The following PCDHA6 variants were observed in gnomAD, a reference collection of about 807,000 sequenced individuals.
The protein encoded by PCDHA6 is protocadherin alpha-6.
In PCDHA6, 55 loss-of-function variants were observed where a neutral mutation model predicts 60.3. The ratio of observed to expected loss-of-function variants is 0.91; its 90% CI spans 0.73 to 1.14. PCDHA6 has a LOEUF of 1.14. Among genes scored for constraint, PCDHA6 ranks in the 50% most tolerant of loss-of-function variants. The pLI is 0.00. For missense variants in PCDHA6, 1,327 were observed against 1,256.5 expected (o/e 1.06, Z -0.85); for synonymous variants, 652 against 557.9 (o/e 1.17, Z -2.38).
At chr5:140,999,419 G>A (rs2097856786) in intron 3 of PCDHA6, among the ~76,000 whole-genome samples, 1 of 152,182 alleles carries the variant, frequency 6.6e-6, no homozygotes, top group Non-Finnish European at 1.5e-5. Flanking sequence ...TGGGAGCTAA[G>A]AGGCCAAGTA....
At chr5:140,906,891 T>C (rs2073026399) in intron 1 of PCDHA6, among the ~76,000 whole-genome samples, 1 of 152,152 alleles carries the variant, frequency 6.6e-6, no homozygotes, top group South Asian at 2.1e-4. Context: ...CCTTCTTAGA[T>C]TGTTGGTTTA....
chr5:140,939,551 G>A (rs2092410878), intron 1 of PCDHA6, among the ~76,000 whole-genome samples: 1 of 151,156 alleles, frequency 6.6e-6, no homozygotes, highest in African/African-American at 2.5e-5. Flanking sequence ...ATTTCTTGTT[G>A]TATTAGTTTG....
chr5:140,930,859 G>GAT lies in PCDHA6; in HGVS notation c.2395-48089_2395-48088dup, dbSNP rs1554208143. On this transcript the variant is annotated intron_variant, in intron 1 of 3. Transcript: ENST00000529310. ...AATAAATATGTGCATATATGAATTG[G>GAT]ATGGTAACACTGTTCAACACAGAGG... Among the ~76,000 whole-genome samples, 803 of 152,288 alleles carry GAT rather than the reference G, an allele frequency of 5.3e-3. 3 individuals are homozygous for GAT. Among genetic ancestry groups the GAT allele is most frequent in the Non-Finnish European group, 8.4e-3 (568 of 68,020 alleles).
At chr5:140,939,789 A>T (rs1259994967) in intron 1 of PCDHA6, among the ~76,000 whole-genome samples, 1 of 152,246 alleles carries the variant, frequency 6.6e-6, no homozygotes, top group African/African-American at 2.4e-5. Flanking sequence ...GTCAATTTCT[A>T]TAAATGTTCT....
intron 1 of PCDHA6, chr5:140,834,412 G>A (rs2150217251): frequency 3.1e-6 from 5 of 1,611,044 alleles, no homozygotes; most frequent in Non-Finnish European, 4.2e-6. Context: ...TACGACCCAG[G>A]GGGCCGACAT....
chr5:140,837,369 A>T (rs1477721585), intron 1 of PCDHA6, among the ~76,000 whole-genome samples: 2 of 151,978 alleles, frequency 1.3e-5, no homozygotes, highest in Non-Finnish European at 2.9e-5. Flanking sequence ...GTTTAATAGT[A>T]TTTTTTATTT....
intron 1 of PCDHA6, among the ~76,000 whole-genome samples, chr5:140,950,924 T>C (rs1316182193): frequency 2.6e-5 from 4 of 152,104 alleles, no homozygotes; most frequent in Non-Finnish European, 5.9e-5. Flanking sequence ...TTCAGTTCTT[T>C]TTCTTTTCTT....
intron 1 of PCDHA6, among the ~76,000 whole-genome samples, chr5:140,846,989 C>G (rs1449097023): frequency 6.7e-6 from 1 of 149,310 alleles, no homozygotes; most frequent in Non-Finnish European, 1.5e-5. Context: ...AAGTTCCCCC[C>G]GGGAGAATAT....
At chr5:140,857,310 A>T in intron 1 of PCDHA6, 1 of 1,598,608 alleles carries the variant, frequency 6.3e-7, no homozygotes, top group Non-Finnish European at 8.6e-7. Flanking sequence ...TCGGCCTATG[A>T]GCTGGTGGTG....
chr5:140,982,089 C>A (rs2096965506), intron 2 of PCDHA6, among the ~76,000 whole-genome samples: 1 of 152,220 alleles, frequency 6.6e-6, no homozygotes, highest in Non-Finnish European at 1.5e-5. Context: ...AACCTAGGAA[C>A]AAGAGAACCT....
At chr5:140,919,841 GA>G (rs1318412572) in intron 1 of PCDHA6, among the ~76,000 whole-genome samples, 1 of 152,146 alleles carries the variant, frequency 6.6e-6, no homozygotes, top group Non-Finnish European at 1.5e-5. Context: ...GTAACCTTTG[GA>G]ACCTGTGACC....
chr5:140,959,073 G>A (rs775479268), intron 1 of PCDHA6, among the ~76,000 whole-genome samples: 2 of 152,094 alleles, frequency 1.3e-5, no homozygotes, highest in Non-Finnish European at 2.9e-5. Flanking sequence ...ATAGAATTCA[G>A]TATTATCCTT....
intron 1 of PCDHA6, among the ~76,000 whole-genome samples, chr5:140,945,351 A>C (rs1368185977): frequency 6.6e-6 from 1 of 152,138 alleles, no homozygotes; most frequent in Admixed American, 6.5e-5. Flanking sequence ...GGAAAAATTA[A>C]TACTGTTTAA....
chr5:140,843,170 A>G, intron 1 of PCDHA6: 1 of 1,596,072 alleles, frequency 6.3e-7, no homozygotes, highest in Non-Finnish European at 8.6e-7. Flanking sequence ...AGCTGCAAGC[A>G]GCCCTCGCAT....
chr5:140,942,601 G>T (rs562403777), intron 1 of PCDHA6, among the ~76,000 whole-genome samples: 1 of 130,586 alleles, frequency 7.7e-6, no homozygotes, highest in South Asian at 2.4e-4. Flanking sequence ...TAATTATAGT[G>T]TTTATATTTG....
intron 1 of PCDHA6, chr5:140,843,264 T>C (rs1188408324): frequency 6.3e-7 from 1 of 1,595,962 alleles, no homozygotes; most frequent in Admixed American, 1.7e-5. Flanking sequence ...CACCGTCTGC[T>C]GGTCCTGGTG....
intron 1 of PCDHA6, among the ~76,000 whole-genome samples, chr5:140,941,995 T>C (rs1243854944): frequency 6.6e-6 from 1 of 152,234 alleles, no homozygotes; most frequent in Non-Finnish European, 1.5e-5. Context: ...AAGGGATTCA[T>C]ATCTCTTATT....
intron 1 of PCDHA6, among the ~76,000 whole-genome samples, chr5:140,912,818 A>T (rs2076075875): frequency 6.6e-6 from 1 of 152,052 alleles, no homozygotes; most frequent in South Asian, 2.1e-4. Context: ...TCATAAAGGG[A>T]TTTTGAATTT....
intron 1 of PCDHA6, chr5:140,849,602 T>G: frequency 6.3e-7 from 1 of 1,598,704 alleles, no homozygotes; most frequent in South Asian, 1.1e-5. Flanking sequence ...GGACAGTTAT[T>G]GCCCTGATTA....
Sources: gnomAD v4.1 joint callset for allele counts (sites outside exome capture counted in the v4.1 genomes callset) on GRCh38, gnomAD v4.1.1 for gene constraint, MANE v1.5 for transcripts, NCBI Gene and HGNC (gene_info 2026-07-23, HGNC 2026-07-21) for gene names.